Variants in NRXN1 observed in about 807,000 individuals in gnomAD.
The protein encoded by NRXN1 is neurexin-1.
NRXN1 carries 39 observed loss-of-function variants against 150.9 expected under a neutral mutation model. The observed-to-expected ratio is 0.26, with a 90% CI of 0.20 to 0.34. The LOEUF is 0.34. Ranked by LOEUF, NRXN1 falls within the 10% of genes least tolerant of loss-of-function variation. The pLI is 1.00. For synonymous variants in NRXN1, 924 were observed against 757.0 expected (o/e 1.22, Z -3.62); for missense variants, 1,815 against 1,949.9 (o/e 0.93, Z 1.30).
At chr2:50,483,338 G>GA (rs2090619412) in intron 15 of NRXN1, among the ~76,000 whole-genome samples, 1 of 152,012 alleles carries the variant, frequency 6.6e-6, no homozygotes, top group African/African-American at 2.4e-5. Flanking sequence ...ATATAATAAA[G>GA]AAAAAACTAT....
At chr2:50,450,537 T>C (rs2086865181) in intron 17 of NRXN1, among the ~76,000 whole-genome samples, 1 of 152,154 alleles carries the variant, frequency 6.6e-6, no homozygotes, top group Admixed American at 6.6e-5. Flanking sequence ...CTCCACTTTC[T>C]GTATTTCTCA....
chr2:50,219,962 ATT>A (rs1491579935), intron 18 of NRXN1, among the ~76,000 whole-genome samples: 1,895 of 74,414 alleles, frequency 0.025, 45 homozygotes, highest in Middle Eastern at 0.042. Context: ...TAATATATAT[ATT>A]ATATATATAT....
intron 18 of NRXN1, among the ~76,000 whole-genome samples, chr2:50,124,969 A>G (rs1704359578): frequency 6.6e-6 from 1 of 152,120 alleles, no homozygotes; most frequent in Non-Finnish European, 1.5e-5. Context: ...ATTTCAAGGA[A>G]TAGTCAGAAC....
At chr2:50,262,564 T>C (rs183911545) in intron 17 of NRXN1, among the ~76,000 whole-genome samples, 1 of 152,008 alleles carries the variant, frequency 6.6e-6, no homozygotes, top group Non-Finnish European at 1.5e-5. Flanking sequence ...CATGTTAAGA[T>C]AATTCCTACT....
intron 2 of NRXN1, among the ~76,000 whole-genome samples, chr2:50,964,846 G>A (rs965074548): frequency 1.3e-5 from 2 of 151,420 alleles, no homozygotes; most frequent in African/African-American, 4.8e-5. Context: ...AATTCCCATT[G>A]ATGCTTGTCT....
chr2:50,447,079 G>T (rs1429247029), intron 17 of NRXN1, among the ~76,000 whole-genome samples: 1 of 152,036 alleles, frequency 6.6e-6, no homozygotes, highest in Non-Finnish European at 1.5e-5. Flanking sequence ...GAGTAGAATG[G>T]AAAATCCCTC....
At chr2:50,635,732 T>G (rs1683145666) in intron 5 of NRXN1, among the ~76,000 whole-genome samples, 1 of 152,192 alleles carries the variant, frequency 6.6e-6, no homozygotes, top group South Asian at 2.1e-4. Context: ...AAAGACTCTG[T>G]GCTGACCTAT....
chr2:50,287,483 T>C (rs181760582), intron 17 of NRXN1, among the ~76,000 whole-genome samples: 1 of 152,268 alleles, frequency 6.6e-6, no homozygotes, highest in East Asian at 1.9e-4. Context: ...AGGTATGTTC[T>C]CTTCTTTACA....
chr2:49,971,207 T>G (rs1260654615), intron 21 of NRXN1, among the ~76,000 whole-genome samples: 1 of 152,188 alleles, frequency 6.6e-6, no homozygotes, highest in Non-Finnish European at 1.5e-5. Flanking sequence ...TTCTGGTTAC[T>G]GAATCCATCA....
chr2:50,962,611 A>T (rs1397278462), intron 2 of NRXN1, among the ~76,000 whole-genome samples: 2 of 151,588 alleles, frequency 1.3e-5, no homozygotes, highest in Non-Finnish European at 3.0e-5. Context: ...ATGGGATCTC[A>T]TTGTCTTATG....
intron 17 of NRXN1, among the ~76,000 whole-genome samples, chr2:50,424,417 C>T (rs1425197411): frequency 1.3e-5 from 2 of 150,876 alleles, no homozygotes; most frequent in Non-Finnish European, 2.9e-5. Flanking sequence ...AGAGACGGTA[C>T]CTGGACCTAG....
intron 18 of NRXN1, among the ~76,000 whole-genome samples, chr2:50,168,412 C>T (rs1031204967): frequency 2.9e-4 from 44 of 152,230 alleles, no homozygotes; most frequent in African/African-American, 1.0e-3. Context: ...TGGGAAGCAA[C>T]ACAATTTGGC....
chr2:50,821,382 G>C (rs1286120770), intron 5 of NRXN1, among the ~76,000 whole-genome samples: 1 of 152,154 alleles, frequency 6.6e-6, no homozygotes, highest in African/African-American at 2.4e-5. Flanking sequence ...GAAACCAAAA[G>C]ATTGGACACC....
intron 17 of NRXN1, among the ~76,000 whole-genome samples, chr2:50,298,612 C>T (rs2073858674): frequency 6.6e-6 from 1 of 152,058 alleles, no homozygotes; most frequent in Non-Finnish European, 1.5e-5. Flanking sequence ...CACTTCTTTC[C>T]TTCCCAAGAG....
At chr2:51,009,838 A>G (rs1389911496) in intron 2 of NRXN1, among the ~76,000 whole-genome samples, 1 of 151,916 alleles carries the variant, frequency 6.6e-6, no homozygotes, top group Non-Finnish European at 1.5e-5. Context: ...GAAACGTTAC[A>G]TCTGGTTCTG....
chr2:50,158,233 A>G (rs545597135), intron 18 of NRXN1, among the ~76,000 whole-genome samples: 10 of 151,844 alleles, frequency 6.6e-5, no homozygotes, highest in South Asian at 2.1e-4. Flanking sequence ...TTGTCTTTCT[A>G]TAAGTCTGTG....
At chr2:50,356,372 T>C (rs1286040186) in intron 17 of NRXN1, among the ~76,000 whole-genome samples, 1 of 152,220 alleles carries the variant, frequency 6.6e-6, no homozygotes, top group Non-Finnish European at 1.5e-5. Flanking sequence ...GTAAGAAGTA[T>C]ATGCTCCAAA....
intron 5 of NRXN1, chr2:50,829,752 G>A (rs1671130065): frequency 3.8e-6 from 6 of 1,573,922 alleles, no homozygotes; most frequent in Non-Finnish European, 4.3e-6. Flanking sequence ...TGCACGGCAT[G>A]GCCCGCTTAA....
At chr2:50,763,806 T>A (rs1200715840) in intron 5 of NRXN1, among the ~76,000 whole-genome samples, 1 of 151,938 alleles carries the variant, frequency 6.6e-6, no homozygotes, top group Non-Finnish European at 1.5e-5. Flanking sequence ...CTGCCTCCCC[T>A]GCTGTTGCCT....
Sources: gnomAD v4.1 joint callset for allele counts (sites outside exome capture counted in the v4.1 genomes callset) on GRCh38, gnomAD v4.1.1 for gene constraint, MANE v1.5 for transcripts, NCBI Gene and HGNC (gene_info 2026-07-23, HGNC 2026-07-21) for gene names.